The following ENTPD1 variants were observed in gnomAD, a reference collection of about 807,000 sequenced individuals.
ENTPD1 encodes the protein ATP diphosphohydrolase.
Under a neutral mutation model 57.0 loss-of-function variants are expected in ENTPD1, and 33 were observed. The observed-to-expected ratio is 0.58, with a 90% CI of 0.44 to 0.77. The LOEUF (loss-of-function observed/expected upper bound fraction) is 0.77, where lower values mean the gene tolerates loss of function less well. Among genes scored for constraint, ENTPD1 ranks in the 30% least tolerant of loss-of-function variants. ENTPD1 has a pLI of 0.00. For synonymous variants in ENTPD1, 202 were observed against 218.8 expected, an observed-to-expected ratio of 0.92 and a Z score of 0.68; for missense variants, 501 against 603.4, an observed-to-expected ratio of 0.83 and a Z score of 1.78.
chr10:95,788,427 G>A (rs966364317), intron 1 of ENTPD1, among the ~76,000 whole-genome samples: 1 of 152,136 alleles, frequency 6.6e-6, no homozygotes, highest in Admixed American at 6.5e-5. Context: ...GACCAGCCTG[G>A]CCAACATGGT....
At chr10:95,748,896 C>T (rs1206842317) in intron 1 of ENTPD1, among the ~76,000 whole-genome samples, 1 of 152,074 alleles carries the variant, frequency 6.6e-6, no homozygotes, top group Non-Finnish European at 1.5e-5. Flanking sequence ...TTACTGATTG[C>T]ATTCCTGTTG....
chr10:95,784,869 G>A (rs959548424), intron 1 of ENTPD1, among the ~76,000 whole-genome samples: 1 of 152,202 alleles, frequency 6.6e-6, no homozygotes. Flanking sequence ...TTTGGCAGGA[G>A]TGGCGTTGCA....
At chr10:95,705,911 G>A in the ENTPD1 span, among the ~76,000 whole-genome samples, 13 of 152,178 alleles carry the variant, frequency 8.5e-5, no homozygotes, top group African/African-American at 2.4e-4. Context: ...CAGCCTGGGC[G>A]ATGTAGTGAG....
chr10:95,715,447 G>C (rs969830497), intron 1 of ENTPD1, among the ~76,000 whole-genome samples: 2 of 148,496 alleles, frequency 1.3e-5, no homozygotes, highest in Admixed American at 1.3e-4. Context: ...ACTAAACTGT[G>C]TTTCTTTTAG....
chr10:95,844,517 T>C lies in ENTPD1; in HGVS notation c.455T>C (p.Val152Ala). The part of the protein sequence containing the change: ...EELADRVLDV[V>A]ERSLSNYPFD... Reference sequence around the variant, plus strand: ...TTGGCAGACAGGGTTCTGGATGTGGTGGAGAGGAGCCTCAGCAACTACCCC... The same window carrying C: ...TTGGCAGACAGGGTTCTGGATGTGGCGGAGAGGAGCCTCAGCAACTACCCC... The change falls in exon 5 of 10, where the codon GTG (valine) becomes GCG (alanine). Residue 152 changes from valine to alanine, a missense_variant. Val to Ala is a moderately conservative substitution (Grantham distance 64, BLOSUM62 0). Coordinates refer to ENST00000371205, the MANE Select transcript of ENTPD1 (RefSeq NM_001776.6). 1 of 1,614,168 alleles carries C rather than the reference T, an allele frequency of 6.2e-7. No homozygotes were observed. The highest frequency in any genetic ancestry group is 8.5e-7 in the Non-Finnish European group (1 of 1,180,014).
At chr10:95,742,953 A>G (rs2098002046) in intron 1 of ENTPD1, among the ~76,000 whole-genome samples, 1 of 152,234 alleles carries the variant, frequency 6.6e-6, no homozygotes, top group Non-Finnish European at 1.5e-5. Flanking sequence ...GATTATTAAC[A>G]TCTTACATTA....
intron 6 of ENTPD1, 163 bp downstream of exon 6, chr10:95,845,759 A>G (rs994878484): frequency 8.5e-7 from 1 of 1,179,624 alleles, no homozygotes; most frequent in East Asian, 2.5e-5. Context: ...TGACCCCTAT[A>G]AATTGTTTCA....
At chr10:95,705,811 A>G in the ENTPD1 span, among the ~76,000 whole-genome samples, 1 of 152,338 alleles carries the variant, frequency 6.6e-6, no homozygotes, top group East Asian at 1.9e-4. Flanking sequence ...AATCTAAATG[A>G]TAATCGTGTT....
chr10:95,760,395 C>T (rs1372345219), intron 1 of ENTPD1, among the ~76,000 whole-genome samples: 1 of 151,046 alleles, frequency 6.6e-6, no homozygotes, highest in African/African-American at 2.4e-5. Flanking sequence ...GTAAAAAGCC[C>T]CCTTTTTTCC....
chr10:95,781,993 G>A (rs920426575), intron 1 of ENTPD1, among the ~76,000 whole-genome samples: 2 of 152,222 alleles, frequency 1.3e-5, no homozygotes, highest in African/African-American at 2.4e-5. Flanking sequence ...AATTATTGAT[G>A]AGAGTTCTGT....
In ENTPD1 at chr10:95,872,390, A is replaced by G. The variant is rs940450888; in HGVS notation, c.*6007A>G. ...GATGTTTCCTACACTACACTACACT[A>G]TACTACACTACAGCCAGGTAGAATG... On this transcript the variant is annotated 3_prime_UTR_variant, in exon 10 of 10. Coordinates refer to ENST00000371205, the MANE Select transcript of ENTPD1 (RefSeq NM_001776.6). The G allele has an allele frequency of 2.0e-6, 2 of 985,390 alleles. No homozygotes were observed. The highest frequency in any genetic ancestry group is 2.4e-6 in the Non-Finnish European group (2 of 829,928). The allele number at this position is 985,390 out of a possible 1,614,324, so 61.0% of individuals were successfully genotyped here.
chr10:95,835,175 A>G (rs1261519902), intron 2 of ENTPD1, among the ~76,000 whole-genome samples: 1 of 152,124 alleles, frequency 6.6e-6, no homozygotes, highest in African/African-American at 2.4e-5. Flanking sequence ...GCTTCCACTT[A>G]TAAGAATATG....
intron 1 of ENTPD1, among the ~76,000 whole-genome samples, chr10:95,731,781 CTT>C (rs34841311): frequency 4.9e-4 from 39 of 79,176 alleles, no homozygotes; most frequent in South Asian, 1.7e-3. Flanking sequence ...AGTGGACATC[CTT>C]TTTTTTTTTT....
In ENTPD1 at chr10:95,872,845, G is replaced by A; in HGVS notation, c.*6462G>A. On this transcript the variant is annotated 3_prime_UTR_variant, in exon 10 of 10. Transcript: ENST00000371205. ...GGTTTTAAGAACCAGCCCAACTCCT[G>A]GTTCCCTGATGAAGCTTTTATTCCC... 1.0e-6 allele frequency: 1 copy of A among 985,244 alleles called. No individual in the cohort carries two copies. The highest frequency in any genetic ancestry group is 1.2e-6 in the Non-Finnish European group (1 of 829,910). The allele number at this position is 985,244 out of a possible 1,614,324, so 61.0% of individuals were successfully genotyped here. A position where few individuals can be genotyped will look rare whatever the true frequency, so the allele number is the denominator to read the frequency against.
Position 95,840,771 on chromosome 10 carries a change from A to G in ENTPD1, c.262+963A>G, listed in dbSNP as rs1322870039. ...TTTACCCAGTACCCTACCATGCACC[A>G]TTATACCACAGTCTCTCTGACTTTT... On this transcript the variant is annotated intron_variant, in intron 3 of 9. Transcript: ENST00000371205. 4.6e-5 allele frequency among the ~76,000 whole-genome samples: 7 copies of G among 152,170 alleles called. No individual in the cohort carries two copies. In the East Asian group the frequency reaches 1.2e-3, roughly 25 times the overall value.
chr10:95,862,461 T>C (rs2098466978), intron 8 of ENTPD1, among the ~76,000 whole-genome samples: 2 of 152,368 alleles, frequency 1.3e-5, no homozygotes, highest in African/African-American at 4.8e-5. Context: ...TGTTTAAGCA[T>C]GTACTATGTG....
rs1191316276 is a variant in ENTPD1, at chr10:95,791,879, T to C, written c.17-31358T>C. 2.6e-5 allele frequency among the ~76,000 whole-genome samples: 4 copies of C among 152,040 alleles called. No individual in the cohort carries two copies. Among genetic ancestry groups the C allele is most frequent in the Non-Finnish European group, 5.9e-5 (4 of 67,994 alleles). On this transcript the variant is annotated intron_variant, in intron 1 of 9. Transcript: ENST00000371205. The surrounding 1 kb of genome is among the most constrained non-coding windows in gnomAD (Gnocchi z 4.1). Reference sequence around the variant, plus strand: ...TCCTTTCAACTTTGAGATTTTTTTTTGGTTTGAAAAAGAGAAATCATGTTC... The same window carrying C: ...TCCTTTCAACTTTGAGATTTTTTTTCGGTTTGAAAAAGAGAAATCATGTTC...
chr10:95,780,653 A>G (rs1211915744), intron 1 of ENTPD1, among the ~76,000 whole-genome samples: 1 of 152,240 alleles, frequency 6.6e-6, no homozygotes, highest in African/African-American at 2.4e-5. Context: ...GCCCCAGGCA[A>G]TTCAGATCAT....
At chr10:95,819,923 A>G (rs2098343171) in intron 1 of ENTPD1, among the ~76,000 whole-genome samples, 1 of 152,226 alleles carries the variant, frequency 6.6e-6, no homozygotes, top group Non-Finnish European at 1.5e-5. Context: ...TGTTATCCAC[A>G]AGGCAAATTA....
Sources: gnomAD v4.1 joint callset for allele counts (sites outside exome capture counted in the v4.1 genomes callset) on GRCh38, gnomAD v4.1.1 for gene constraint, Gnocchi (gnomAD v3.1) non-coding constraint, MANE v1.5 for transcripts, NCBI Gene and HGNC (gene_info 2026-07-23, HGNC 2026-07-21) for gene names.